CTNND2: variants seen among roughly 807,000 people sequenced by gnomAD.
The protein encoded by CTNND2 is catenin delta 2.
Under a neutral mutation model 144.4 loss-of-function variants are expected in CTNND2, and 22 were observed. That is an observed-to-expected ratio of 0.15 (90% CI 0.11 to 0.22). The LOEUF (loss-of-function observed/expected upper bound fraction) is 0.22. Ranked by LOEUF, CTNND2 falls within the 10% of genes least tolerant of loss-of-function variation. CTNND2 has a pLI of 1.00. For synonymous variants in CTNND2, 751 were observed against 695.6 expected (o/e 1.08, Z -1.25); for missense variants, 1,353 against 1,618.8 (o/e 0.84, Z 2.82).
intron 3 of CTNND2, among the ~76,000 whole-genome samples, chr5:11,525,158 AG>A (rs1387175677): frequency 6.6e-6 from 1 of 152,198 alleles, no homozygotes; most frequent in Non-Finnish European, 1.5e-5. Flanking sequence ...GGAGAGCTCT[AG>A]GGCTTTTTAG....
intron 7 of CTNND2, among the ~76,000 whole-genome samples, chr5:11,376,914 C>T (rs930417148): frequency 1.3e-5 from 2 of 152,162 alleles, no homozygotes; most frequent in Non-Finnish European, 2.9e-5. Context: ...ACAGCCAGTC[C>T]ACCTCCAAAG....
At chr5:11,428,171 G>A (rs1762962130) in intron 3 of CTNND2, among the ~76,000 whole-genome samples, 1 of 152,132 alleles carries the variant, frequency 6.6e-6, no homozygotes, top group African/African-American at 2.4e-5. Context: ...TTGAGACTTG[G>A]TGGGGACACA....
chr5:11,454,405 C>T (rs142510799), intron 3 of CTNND2, among the ~76,000 whole-genome samples: 108 of 151,442 alleles, frequency 7.1e-4, no homozygotes, highest in Admixed American at 2.1e-3. Flanking sequence ...GGTGACAGAG[C>T]GAGACTCCGT....
At chr5:11,857,861 C>T (rs1582015638) in intron 1 of CTNND2, among the ~76,000 whole-genome samples, 1 of 152,172 alleles carries the variant, frequency 6.6e-6, no homozygotes. Context: ...GATTTCAACA[C>T]GAACCTTCCA....
At chr5:11,033,341 T>C (rs889885396) in intron 16 of CTNND2, among the ~76,000 whole-genome samples, 2 of 152,218 alleles carry the variant, frequency 1.3e-5, no homozygotes, top group African/African-American at 4.8e-5. Flanking sequence ...CTGTTGTATG[T>C]GTATAAACAT....
intron 2 of CTNND2, among the ~76,000 whole-genome samples, chr5:11,603,658 G>A (rs913055908): frequency 6.6e-6 from 1 of 152,174 alleles, no homozygotes. Context: ...TAAAAGGCAA[G>A]GCTATATGAC....
At chr5:11,416,482 G>T (rs971080005) in intron 3 of CTNND2, among the ~76,000 whole-genome samples, 1 of 152,284 alleles carries the variant, frequency 6.6e-6, no homozygotes, top group East Asian at 1.9e-4. Context: ...GAGAAAGCTG[G>T]TTTGGATTTT....
chr5:11,016,578 G>C (rs983375654), intron 18 of CTNND2, among the ~76,000 whole-genome samples: 6 of 152,158 alleles, frequency 3.9e-5, no homozygotes, highest in African/African-American at 1.4e-4. Context: ...GGCTATAGAT[G>C]GGGATGGAGG....
intron 2 of CTNND2, among the ~76,000 whole-genome samples, chr5:11,693,679 T>C (rs1459039863): frequency 6.6e-6 from 1 of 152,194 alleles, no homozygotes; most frequent in Non-Finnish European, 1.5e-5. Flanking sequence ...CCATAAATAT[T>C]TGGAGAATGA....
At chr5:11,342,237 A>G (rs1222608066) in intron 9 of CTNND2, among the ~76,000 whole-genome samples, 1 of 152,214 alleles carries the variant, frequency 6.6e-6, no homozygotes, top group Non-Finnish European at 1.5e-5. Flanking sequence ...GTGTCCAACA[A>G]TAAGATAAAT....
intron 2 of CTNND2, among the ~76,000 whole-genome samples, chr5:11,651,884 A>T (rs1263445947): frequency 1.3e-5 from 2 of 151,820 alleles, no homozygotes; most frequent in Non-Finnish European, 2.9e-5. Context: ...TATTTTATTT[A>T]TTTTTTTTAT....
intron 10 of CTNND2, among the ~76,000 whole-genome samples, chr5:11,223,380 T>C (rs1025090061): frequency 5.3e-5 from 8 of 152,170 alleles, no homozygotes; most frequent in African/African-American, 1.7e-4. Flanking sequence ...AGAAGCTGAG[T>C]TGACAGCCAG....
At chr5:11,147,655 C>A in intron 12 of CTNND2, among the ~76,000 whole-genome samples, 1 of 100,186 alleles carries the variant, frequency 1.0e-5, no homozygotes, top group Non-Finnish European at 2.0e-5. Context: ...AATAATTCAG[C>A]AGTTGAAAAA....
Position 11,236,950 on chromosome 5 carries a change from G to T in CTNND2, c.1629-127C>A, listed in dbSNP as rs1480883863. On this transcript the variant is annotated intron_variant, in intron 9 of 21. Coordinates refer to ENST00000304623, the MANE Select transcript of CTNND2 (RefSeq NM_001332.4). ...AAATATTTCATAAATGACTGTTCTG[G>T]TTTTCTTACATGCAGACCCATTTAA... is the stretch of plus-strand genomic sequence containing the variant. The T allele has an allele frequency of 4.0e-6, 4 of 1,003,260 alleles. No individual in the cohort carries two copies. In the African/African-American group the frequency reaches 6.5e-5, roughly 16 times the overall value. The allele number at this position is 1,003,260 out of a possible 1,614,324, so 62.1% of individuals were successfully genotyped here.
chr5:11,669,436 C>T (rs891472700), intron 2 of CTNND2, among the ~76,000 whole-genome samples: 1 of 152,152 alleles, frequency 6.6e-6, no homozygotes, highest in African/African-American at 2.4e-5. Context: ...GCCTCAATTT[C>T]AGAACTTGTT....
chr5:11,604,369 T>C (rs532121254), intron 2 of CTNND2, among the ~76,000 whole-genome samples: 3 of 152,324 alleles, frequency 2.0e-5, no homozygotes, highest in African/African-American at 7.2e-5. Flanking sequence ...ATTCTTTACA[T>C]ATACCATCAA....
intron 11 of CTNND2, among the ~76,000 whole-genome samples, chr5:11,189,696 C>G (rs190492326): frequency 2.5e-4 from 38 of 152,188 alleles, no homozygotes; most frequent in Non-Finnish European, 2.9e-5. Context: ...TTTGGGGAGC[C>G]AAATTGTATG....
chr5:11,384,593 A>T lies in CTNND2; in HGVS notation c.1177+72T>A. On this transcript the variant is annotated intron_variant, in intron 7 of 21. Transcript: ENST00000304623. The surrounding 1 kb of genome is among the most constrained non-coding windows in gnomAD (Gnocchi z 5.2). ...AGCGCGCCCGGCTTCGCTTCTGCTC[A>T]AGCCGGGCTGCTGCTTCCGCGTCCC... The T allele has an allele frequency of 6.9e-7, 1 of 1,445,560 alleles. No individual in the cohort carries two copies. Among genetic ancestry groups the T allele is most frequent in the Non-Finnish European group, 9.3e-7 (1 of 1,080,036 alleles). 89.5% of individuals were successfully genotyped at this position (1,445,560 alleles called of 1,614,324 possible).
At chr5:11,779,828 C>A (rs1790448783) in intron 1 of CTNND2, among the ~76,000 whole-genome samples, 1 of 152,178 alleles carries the variant, frequency 6.6e-6, no homozygotes, top group Admixed American at 6.5e-5. Context: ...GAAACAGTAT[C>A]ATTTAGCAAA....
Sources: gnomAD v4.1 joint callset for allele counts (sites outside exome capture counted in the v4.1 genomes callset) on GRCh38, gnomAD v4.1.1 for gene constraint, Gnocchi (gnomAD v3.1) non-coding constraint, MANE v1.5 for transcripts, NCBI Gene and HGNC (gene_info 2026-07-23, HGNC 2026-07-21) for gene names.